TAFA1: variants seen among roughly 807,000 people sequenced by gnomAD.
The protein encoded by TAFA1 is TAFA chemokine like family member 1, also known as chemokine-like protein TAFA-1.
A neutral mutation model predicts 18.5 loss-of-function variants in TAFA1; 4 were observed. The observed-to-expected ratio is 0.22, with a 90% CI of 0.11 to 0.49. The LOEUF is 0.49. Ranked by LOEUF, TAFA1 falls within the 20% of genes least tolerant of loss-of-function variation. TAFA1 has a pLI of 0.98. For synonymous variants in TAFA1, 56 were observed against 55.2 expected, an observed-to-expected ratio of 1.01 and a Z score of -0.06; for missense variants, 147 against 169.0, an observed-to-expected ratio of 0.87 and a Z score of 0.72.
At chr3:68,494,751 A>G (rs2072515498) in intron 3 of TAFA1, among the ~76,000 whole-genome samples, 1 of 152,224 alleles carries the variant, frequency 6.6e-6, no homozygotes, top group Non-Finnish European at 1.5e-5. Flanking sequence ...TTATTTCTGC[A>G]CTAACAGCTT....
At chr3:68,320,643 T>A (rs1196885755) in intron 2 of TAFA1, among the ~76,000 whole-genome samples, 1 of 152,184 alleles carries the variant, frequency 6.6e-6, no homozygotes, top group Non-Finnish European at 1.5e-5. Flanking sequence ...GGGCCAGAGG[T>A]GGCTCCCTGT....
chr3:67,993,172 T>C, the TAFA1 span, among the ~76,000 whole-genome samples: 1 of 152,250 alleles, frequency 6.6e-6, no homozygotes, highest in Non-Finnish European at 1.5e-5. Flanking sequence ...TATTGGGTAG[T>C]AGGCTTGATA....
intron 3 of TAFA1, among the ~76,000 whole-genome samples, chr3:68,526,009 A>C (rs2073106984): frequency 6.6e-6 from 1 of 152,222 alleles, no homozygotes; most frequent in Non-Finnish European, 1.5e-5. Context: ...GCTTAATAAA[A>C]TAAGAGAAAC....
At chr3:68,527,385 T>G (rs4855339) in intron 3 of TAFA1, among the ~76,000 whole-genome samples, 120,326 of 152,118 alleles carry the variant, frequency 0.79, 47,698 homozygotes, top group East Asian at 0.89. Context: ...TGTGTTCCAA[T>G]AAGACAGCTT....
At chr3:68,007,948 C>T (rs145667647) in intron 2 of TAFA1, among the ~76,000 whole-genome samples, 2,663 of 152,332 alleles carry the variant, frequency 0.017, 94 homozygotes, top group African/African-American at 0.061. Context: ...GGATGCAGCC[C>T]AGGGTCCTCC....
chr3:68,418,052 G>T (rs561577683), intron 3 of TAFA1, among the ~76,000 whole-genome samples: 3 of 152,146 alleles, frequency 2.0e-5, no homozygotes, highest in East Asian at 3.9e-4. Flanking sequence ...TTTTTTTCAG[G>T]TCAAGAAACA....
At chr3:68,084,721 C>G (rs968529356) in intron 2 of TAFA1, among the ~76,000 whole-genome samples, 2 of 151,682 alleles carry the variant, frequency 1.3e-5, no homozygotes, top group African/African-American at 4.8e-5. Context: ...TCGCTTGAAG[C>G]CGGGAGGCGG....
intron 3 of TAFA1, among the ~76,000 whole-genome samples, chr3:68,492,472 C>A (rs2072470958): frequency 6.6e-6 from 1 of 152,104 alleles, no homozygotes; most frequent in South Asian, 2.1e-4. Flanking sequence ...TTCTCCATTC[C>A]CTCATTTCTC....
At chr3:68,133,108 C>A (rs991652777) in intron 2 of TAFA1, among the ~76,000 whole-genome samples, 1 of 152,134 alleles carries the variant, frequency 6.6e-6, no homozygotes, top group Non-Finnish European at 1.5e-5. Flanking sequence ...TTCCCAACAC[C>A]ATTTATGAAA....
chr3:68,368,245 T>A (rs2069609474), intron 2 of TAFA1, among the ~76,000 whole-genome samples: 1 of 152,216 alleles, frequency 6.6e-6, no homozygotes, highest in Admixed American at 6.5e-5. Flanking sequence ...ATTAAATTTA[T>A]GAGATGAAAT....
chr3:68,221,075 T>G (rs2066723923), intron 2 of TAFA1, among the ~76,000 whole-genome samples: 1 of 152,164 alleles, frequency 6.6e-6, no homozygotes, highest in Non-Finnish European at 1.5e-5. Context: ...CAAGTGTAGC[T>G]CAGGGAAGTA....
intron 2 of TAFA1, among the ~76,000 whole-genome samples, chr3:68,070,860 C>A (rs1298027550): frequency 6.6e-6 from 1 of 152,228 alleles, no homozygotes; most frequent in Non-Finnish European, 1.5e-5. Flanking sequence ...CAGTTCCCCA[C>A]AAGTTCTTCA....
At position 68,102,392 on chromosome 3, in the gene TAFA1, C is replaced by T. The variant is rs1173178219; in HGVS notation, c.118+95648C>T. ...CTGTGATATTACAATTTTGCAACAT[C>T]CTGTAGCTCTTTGTCCAACCATTCA... On this transcript the variant is annotated intron_variant, in intron 2 of 4. Transcript: ENST00000478136. 2.0e-5 allele frequency among the ~76,000 whole-genome samples: 3 copies of T among 152,112 alleles called. No homozygotes were observed. In the East Asian group the frequency reaches 5.8e-4, roughly 29 times the overall value.
At chr3:68,439,724 C>G (rs887636446) in intron 3 of TAFA1, among the ~76,000 whole-genome samples, 1 of 151,862 alleles carries the variant, frequency 6.6e-6, no homozygotes, top group Non-Finnish European at 1.5e-5. Context: ...TCCCAGCCCA[C>G]TGACTCAAAT....
intron 2 of TAFA1, among the ~76,000 whole-genome samples, chr3:68,140,762 T>C (rs73834847): frequency 0.023 from 3,481 of 152,296 alleles, 48 homozygotes; most frequent in Middle Eastern, 0.041. Flanking sequence ...ATTAAACTTA[T>C]CTCTAATTTA....
At chr3:68,311,892 G>A (rs569333391) in intron 2 of TAFA1, among the ~76,000 whole-genome samples, 1 of 152,324 alleles carries the variant, frequency 6.6e-6, no homozygotes, top group Non-Finnish European at 1.5e-5. Flanking sequence ...CACTACCCTA[G>A]CAGAGGTTCT....
chr3:68,424,467 A>G (rs2071017086), intron 3 of TAFA1, among the ~76,000 whole-genome samples: 1 of 152,064 alleles, frequency 6.6e-6, no homozygotes, highest in Non-Finnish European at 1.5e-5. Flanking sequence ...CTATTTTTTA[A>G]CAAAATAAAA....
intron 2 of TAFA1, among the ~76,000 whole-genome samples, chr3:68,290,648 T>C (rs1435594239): frequency 6.6e-6 from 1 of 152,112 alleles, no homozygotes; most frequent in Non-Finnish European, 1.5e-5. Flanking sequence ...TACTATCCTA[T>C]AGTTAAAAAC....
At chr3:68,023,276 A>T (rs1047333499) in intron 2 of TAFA1, among the ~76,000 whole-genome samples, 1 of 152,120 alleles carries the variant, frequency 6.6e-6, no homozygotes, top group Non-Finnish European at 1.5e-5. Flanking sequence ...ACTGTCTGCC[A>T]AGGTTGGGTG....
Sources: gnomAD v4.1 joint callset for allele counts (sites outside exome capture counted in the v4.1 genomes callset) on GRCh38, gnomAD v4.1.1 for gene constraint, MANE v1.5 for transcripts, NCBI Gene and HGNC (gene_info 2026-07-23, HGNC 2026-07-21) for gene names.